Variants in SEMA3A observed in about 807,000 individuals in gnomAD.
The protein encoded by SEMA3A is semaphorin-3A.
Under a neutral mutation model 97.9 loss-of-function variants are expected in SEMA3A, and 29 were observed. The observed-to-expected ratio is 0.30, with a 90% CI of 0.22 to 0.40. The LOEUF (loss-of-function observed/expected upper bound fraction) is 0.40, where lower values mean the gene tolerates loss of function less well. Ranked by LOEUF, SEMA3A falls within the 10% of genes least tolerant of loss-of-function variation. The pLI, the probability that SEMA3A is intolerant of heterozygous loss-of-function variation, is 1.00. For missense variants in SEMA3A, 763 were observed against 951.3 expected, an observed-to-expected ratio of 0.80 and a Z score of 2.60; for synonymous variants, 321 against 323.7, an observed-to-expected ratio of 0.99 and a Z score of 0.09.
intron 4 of SEMA3A, among the ~76,000 whole-genome samples, chr7:84,099,780 T>C (rs529226770): frequency 6.6e-6 from 1 of 152,278 alleles, no homozygotes; most frequent in South Asian, 2.1e-4. Context: ...CGCAGCATCT[T>C]TCACTCAGTA....
At chr7:84,088,137 C>A (rs1183907978) in intron 4 of SEMA3A, among the ~76,000 whole-genome samples, 3 of 152,084 alleles carry the variant, frequency 2.0e-5, no homozygotes. Context: ...GCTGTCATCA[C>A]AAAATAGAAC....
At chr7:84,005,294 CAT>C (rs766275579) in intron 11 of SEMA3A, 43 bp downstream of exon 11, 15 of 1,367,540 alleles carry the variant, frequency 1.1e-5, no homozygotes, top group Non-Finnish European at 1.5e-5. Flanking sequence ...ATCAGTTAAA[CAT>C]AGTGTTCGGA....
chr7:83,988,697 ATTAG>A (rs1789746123), intron 12 of SEMA3A, among the ~76,000 whole-genome samples: 1 of 152,024 alleles, frequency 6.6e-6, no homozygotes, highest in Admixed American at 6.6e-5. Flanking sequence ...AATGAATTAT[ATTAG>A]TTATTAAATA....
intron 1 of SEMA3A, among the ~76,000 whole-genome samples, chr7:84,375,735 A>G (rs1225973863): frequency 3.9e-5 from 6 of 152,298 alleles, no homozygotes; most frequent in Middle Eastern, 3.4e-3. Flanking sequence ...ATATACCAAA[A>G]AAAGTTAACT....
At chr7:84,044,237 T>C (rs1029790732) in intron 6 of SEMA3A, among the ~76,000 whole-genome samples, 1 of 152,002 alleles carries the variant, frequency 6.6e-6, no homozygotes, top group Non-Finnish European at 1.5e-5. Context: ...TTATATTGGA[T>C]ATTCTAGAAT....
intron 3 of SEMA3A, among the ~76,000 whole-genome samples, chr7:84,123,380 T>TA (rs1174788749): frequency 6.6e-6 from 1 of 151,950 alleles, no homozygotes; most frequent in Non-Finnish European, 1.5e-5. Flanking sequence ...TATATATATA[T>TA]TTTTCAAATA....
intron 2 of SEMA3A, among the ~76,000 whole-genome samples, chr7:84,359,430 C>G (rs1388835363): frequency 6.6e-6 from 1 of 151,950 alleles, no homozygotes; most frequent in Non-Finnish European, 1.5e-5. Flanking sequence ...TGTTTATATG[C>G]TGGATTATGT....
At chr7:84,411,335 T>C (rs1804259189) in intron 1 of SEMA3A, among the ~76,000 whole-genome samples, 2 of 152,132 alleles carry the variant, frequency 1.3e-5, no homozygotes, top group South Asian at 2.1e-4. Context: ...AGCATAAACT[T>C]GAACAGGAAT....
intron 3 of SEMA3A, among the ~76,000 whole-genome samples, chr7:84,222,775 C>T (rs534568653): frequency 6.6e-6 from 1 of 151,924 alleles, no homozygotes; most frequent in Non-Finnish European, 1.5e-5. Flanking sequence ...TATTCAAGCA[C>T]ATAATGCCAA....
At chr7:84,100,736 A>T (rs182363991) in intron 4 of SEMA3A, among the ~76,000 whole-genome samples, 12 of 152,320 alleles carry the variant, frequency 7.9e-5, no homozygotes, top group African/African-American at 2.9e-4. Context: ...TCACTACTGA[A>T]TCATTCATGT....
chr7:84,406,878 A>AT (rs1340965576), intron 1 of SEMA3A, among the ~76,000 whole-genome samples: 1 of 152,118 alleles, frequency 6.6e-6, no homozygotes, highest in African/African-American at 2.4e-5. Context: ...CTCTCAATAA[A>AT]TAGGTATTGA....
chr7:84,175,058 A>G (rs1797518859), intron 1 of SEMA3A, among the ~76,000 whole-genome samples: 1 of 152,078 alleles, frequency 6.6e-6, no homozygotes, highest in Non-Finnish European at 1.5e-5. Context: ...AGTCTCTTCC[A>G]CTTGTCTGGA....
intron 3 of SEMA3A, among the ~76,000 whole-genome samples, chr7:84,112,900 A>T (rs919147785): frequency 6.6e-6 from 1 of 152,208 alleles, no homozygotes; most frequent in African/African-American, 2.4e-5. Context: ...AAAGGGTTCT[A>T]CCTAGAGTGC....
intron 14 of SEMA3A, among the ~76,000 whole-genome samples, chr7:83,978,161 AC>A (rs1470259949): frequency 6.6e-6 from 1 of 152,068 alleles, no homozygotes; most frequent in Non-Finnish European, 1.5e-5. Flanking sequence ...ATGATTGCAA[AC>A]CAATTTACCT....
intron 6 of SEMA3A, among the ~76,000 whole-genome samples, chr7:84,021,457 C>T (rs1384904403): frequency 6.6e-6 from 1 of 152,196 alleles, no homozygotes; most frequent in Non-Finnish European, 1.5e-5. Context: ...CAACTATCCG[C>T]ATGTAGGCCC....
chr7:84,358,675 A>T (rs1246152652), intron 2 of SEMA3A, among the ~76,000 whole-genome samples: 1 of 152,094 alleles, frequency 6.6e-6, no homozygotes, highest in African/African-American at 2.4e-5. Context: ...TCTCTGAAGG[A>T]AGTCATTTGT....
chr7:84,320,131 G>A (rs992575536), intron 2 of SEMA3A, among the ~76,000 whole-genome samples: 2 of 151,912 alleles, frequency 1.3e-5, no homozygotes, highest in African/African-American at 4.8e-5. Flanking sequence ...TATGATAATG[G>A]AAGCACTGAT....
intron 15 of SEMA3A, among the ~76,000 whole-genome samples, chr7:83,966,781 G>A (rs1381680165): frequency 5.3e-5 from 8 of 151,518 alleles, no homozygotes; most frequent in African/African-American, 4.8e-5. Flanking sequence ...GCGTGATCTC[G>A]GCTCACGGCA....
chr7:84,255,521 GA>G (rs1799698384), intron 3 of SEMA3A, among the ~76,000 whole-genome samples: 1 of 152,088 alleles, frequency 6.6e-6, no homozygotes, highest in Non-Finnish European at 1.5e-5. Context: ...GTTGAAATCT[GA>G]AACCTGAAGA....
Sources: gnomAD v4.1 joint callset for allele counts (sites outside exome capture counted in the v4.1 genomes callset) on GRCh38, gnomAD v4.1.1 for gene constraint, MANE v1.5 for transcripts, NCBI Gene and HGNC (gene_info 2026-07-23, HGNC 2026-07-21) for gene names.